KALRN: variants seen among roughly 807,000 people sequenced by gnomAD.
KALRN encodes the protein kalirin RhoGEF kinase.
KALRN carries 70 observed loss-of-function variants against 353.7 expected under a neutral mutation model. The observed-to-expected ratio is 0.20, with a 90% CI of 0.16 to 0.24. KALRN has a LOEUF of 0.24. Ranked by LOEUF, KALRN falls within the 10% of genes least tolerant of loss-of-function variation. The pLI is 1.00. For synonymous variants in KALRN, 1,391 were observed against 1,434.8 expected, an observed-to-expected ratio of 0.97 and a Z score of 0.69; for missense variants, 2,791 against 3,756.7, an observed-to-expected ratio of 0.74 and a Z score of 6.72.
At chr3:124,207,268 C>T (rs2076492676) in intron 1 of KALRN, among the ~76,000 whole-genome samples, 1 of 152,198 alleles carries the variant, frequency 6.6e-6, no homozygotes, top group African/African-American at 2.4e-5. Flanking sequence ...TCCCTCCTTC[C>T]CCTGCCAGGA....
chr3:124,134,682 A>G (rs2065718078), intron 1 of KALRN, among the ~76,000 whole-genome samples: 1 of 152,218 alleles, frequency 6.6e-6, no homozygotes, highest in African/African-American at 2.4e-5. Context: ...TCAGTAAGAA[A>G]AAAACAAACA....
At chr3:124,345,625 A>T (rs2082183887) in intron 9 of KALRN, among the ~76,000 whole-genome samples, 1 of 152,176 alleles carries the variant, frequency 6.6e-6, no homozygotes, top group South Asian at 2.1e-4. Flanking sequence ...AAATCTCCAT[A>T]ATGTTTAGAT....
intron 6 of KALRN, among the ~76,000 whole-genome samples, chr3:124,307,728 G>T (rs55806961): frequency 6.6e-6 from 1 of 151,700 alleles, no homozygotes; most frequent in East Asian, 1.9e-4. Context: ...GTATAAAAAA[G>T]ACATATAGAA....
intron 1 of KALRN, among the ~76,000 whole-genome samples, chr3:124,092,194 A>G (rs1476693645): frequency 6.6e-6 from 1 of 152,166 alleles, no homozygotes; most frequent in African/African-American, 2.4e-5. Context: ...ACTGTGTGGA[A>G]TGTTTTGCCC....
At chr3:124,273,721 A>G (rs879874441) in intron 5 of KALRN, among the ~76,000 whole-genome samples, 2 of 150,778 alleles carry the variant, frequency 1.3e-5, no homozygotes, top group Admixed American at 1.3e-4. Flanking sequence ...CAGGAATGAC[A>G]GGAAAGTCTT....
chr3:124,239,697 A>C (rs531259999), intron 3 of KALRN, among the ~76,000 whole-genome samples: 1 of 152,334 alleles, frequency 6.6e-6, no homozygotes, highest in South Asian at 2.1e-4. Flanking sequence ...AAATAGGTGT[A>C]AGCAGAGAGA....
At position 124,627,580 on chromosome 3, in the gene KALRN, C is replaced by T. The variant is rs1475768176; in HGVS notation, c.5183-4840C>T. Among the ~76,000 whole-genome samples the T allele has an allele frequency of 7.2e-5, 11 of 152,308 alleles. No homozygotes were observed. The East Asian group carries it at 7.7e-4, about 11-fold the overall frequency. Reference sequence around the variant, plus strand: ...GGCCGGACTTCTAGTTCTGCTGACACGACATGTGCTGATAATAAGTCTTGA... The same window carrying T: ...GGCCGGACTTCTAGTTCTGCTGACATGACATGTGCTGATAATAAGTCTTGA... On this transcript the variant is annotated intron_variant, in intron 34 of 59. Transcript: ENST00000682506.
At chr3:124,609,941 A>G (rs146972313) in intron 34 of KALRN, among the ~76,000 whole-genome samples, 9 of 152,328 alleles carry the variant, frequency 5.9e-5, no homozygotes, top group African/African-American at 1.9e-4. Flanking sequence ...TGGCTTCTGT[A>G]TTCATCCATG....
chr3:124,056,441 T>G (rs2041546651), intron 1 of KALRN, among the ~76,000 whole-genome samples: 1 of 152,214 alleles, frequency 6.6e-6, no homozygotes, highest in African/African-American at 2.4e-5. Context: ...TGCACTGGTT[T>G]CCTTTCTGAT....
At chr3:124,518,749 T>C (rs780653425) in intron 33 of KALRN, 16 of 1,357,968 alleles carry the variant, frequency 1.2e-5, no homozygotes, top group Non-Finnish European at 1.5e-5. Flanking sequence ...AGAGGCCCAA[T>C]GGCCCAATGT....
At position 124,334,403 on chromosome 3, in the gene KALRN, C is replaced by T; in HGVS notation, c.1555C>T (p.His519Tyr). 6.2e-7 allele frequency: 1 copy of T among 1,614,226 alleles called. No individual in the cohort carries two copies. Among genetic ancestry groups the T allele is most frequent in the Non-Finnish European group, 8.5e-7 (1 of 1,180,030 alleles). ...GGACGTGGTGCATGAGGTGTTACAT[C>T]ACCAGCGACGGCTGGAGAGCATCTG... ...VLDVVHEVLH[H>Y]QRRLESIWQH... Residue 519 changes from histidine (H) to tyrosine (Y), a missense_variant, in exon 9 of 60, where the codon CAC (histidine) becomes TAC (tyrosine). By Grantham distance (83) the His-to-Tyr change is moderately conservative (BLOSUM62 2). Around this residue, in one of 11 missense-constraint regions of KALRN, gnomAD observed 366 missense variants for 489.2 expected, o/e 0.75. Coordinates refer to ENST00000682506, the MANE Select transcript of KALRN (RefSeq NM_001388419.1). This position sits in a 1 kb window ranked among gnomAD's most constrained non-coding sequence, Gnocchi z 4.2.
chr3:124,268,573 G>C (rs1189486987), intron 4 of KALRN, 170 bp from the exon 5 acceptor site: 4 of 658,236 alleles, frequency 6.1e-6, no homozygotes, highest in African/African-American at 5.4e-5. Flanking sequence ...TGCTGATCCT[G>C]ACTGATCTGT....
chr3:124,421,108 T>G (rs2092760129), intron 14 of KALRN, among the ~76,000 whole-genome samples: 1 of 152,150 alleles, frequency 6.6e-6, no homozygotes, highest in Non-Finnish European at 1.5e-5. Context: ...TGGGTCTAGA[T>G]TGTTGGATGA....
intron 1 of KALRN, among the ~76,000 whole-genome samples, chr3:124,198,119 G>C (rs2058761399): frequency 6.6e-6 from 1 of 152,344 alleles, no homozygotes; most frequent in Middle Eastern, 3.4e-3. Flanking sequence ...GGAATTAAAA[G>C]CTTCGTGCTA....
intron 5 of KALRN, among the ~76,000 whole-genome samples, chr3:124,289,232 C>A (rs182494488): frequency 3.9e-5 from 6 of 152,242 alleles, no homozygotes; most frequent in Middle Eastern, 3.4e-3. Context: ...TCCCAAAGGC[C>A]TCCCCTCTAA....
chr3:124,067,457 G>A (rs553008682), intron 1 of KALRN, among the ~76,000 whole-genome samples: 52 of 151,776 alleles, frequency 3.4e-4, no homozygotes, highest in African/African-American at 1.2e-3. Flanking sequence ...AGATCACATG[G>A]TTTATTAAAT....
intron 34 of KALRN, among the ~76,000 whole-genome samples, chr3:124,609,477 A>G (rs1171811908): frequency 1.3e-5 from 2 of 152,238 alleles, no homozygotes; most frequent in Non-Finnish European, 2.9e-5. Flanking sequence ...GAGTGTATAC[A>G]TGTATTTGCA....
intron 49 of KALRN, among the ~76,000 whole-genome samples, chr3:124,676,278 G>A (rs1443186907): frequency 1.3e-5 from 2 of 152,152 alleles, no homozygotes; most frequent in African/African-American, 2.4e-5. Context: ...CTTGTCAGCC[G>A]CTCTTGCAAA....
chr3:124,111,960 G>T (rs866324286), intron 1 of KALRN, among the ~76,000 whole-genome samples: 5 of 152,098 alleles, frequency 3.3e-5, no homozygotes, highest in African/African-American at 1.2e-4. Context: ...CCTTCCAAGT[G>T]CTCCTGGTAG....
Sources: gnomAD v4.1 joint callset for allele counts (sites outside exome capture counted in the v4.1 genomes callset) on GRCh38, gnomAD v4.1.1 for gene constraint, gnomAD v4.1.1 regional missense constraint, Gnocchi (gnomAD v3.1) non-coding constraint, MANE v1.5 for transcripts, NCBI Gene and HGNC (gene_info 2026-07-23, HGNC 2026-07-21) for gene names.